The following ABCA4 variants were observed in gnomAD, a reference collection of about 807,000 sequenced individuals.
The protein encoded by ABCA4 is retinal-specific phospholipid-transporting ATPase ABCA4.
In ABCA4, 196 loss-of-function variants were observed where a neutral mutation model predicts 263.7. The observed-to-expected ratio is 0.74, with a 90% CI of 0.66 to 0.84. ABCA4 has a LOEUF of 0.84. Ranked by LOEUF, ABCA4 falls within the 40% of genes least tolerant of loss-of-function variation. The pLI, the probability that ABCA4 is intolerant of heterozygous loss-of-function variation, is 0.00. For missense variants in ABCA4, 2,792 were observed against 2,855.1 expected, an observed-to-expected ratio of 0.98 and a Z score of 0.50; for synonymous variants, 1,133 against 1,094.2, an observed-to-expected ratio of 1.04 and a Z score of -0.70.
chr1:94,051,483 GC>G, intron 17 of ABCA4, 149 bp downstream of exon 17: 1 of 727,390 alleles, frequency 1.4e-6, no homozygotes, highest in Non-Finnish European at 2.4e-6. Context: ...ACGCTGCAAT[GC>G]CCATCAAGGG....
At chr1:94,087,188 G>T (rs1196249230) in intron 6 of ABCA4, among the ~76,000 whole-genome samples, 1 of 152,136 alleles carries the variant, frequency 6.6e-6, no homozygotes, top group Non-Finnish European at 1.5e-5. Context: ...TTTTGGGGAG[G>T]ATGCAAACAT....
rs762784197 is a variant in ABCA4, at chr1:94,031,982, C to T, written c.3924G>A (p.Glu1308=). 4.3e-6 allele frequency: 7 copies of T among 1,613,880 alleles called. No homozygotes were observed. The highest frequency in any genetic ancestry group is 4.0e-5 in the African/African-American group (3 of 74,880). Residue 1308 remains glutamate (E), a synonymous_variant, in exon 27 of 50, where the codon GAG becomes GAA. Coordinates refer to ENST00000370225, the MANE Select transcript of ABCA4 (RefSeq NM_000350.3). ...NPRHPCLGPR[E]KAGQTPQDSN... ...AGTCCTGGGGTGTCTGTCCAGCCTT[C>T]TCTCTGGGACCCAAGCAGGGGTGTC...
intron 2 of ABCA4, among the ~76,000 whole-genome samples, chr1:94,112,274 G>A (rs1394175584): frequency 5.3e-5 from 8 of 152,150 alleles, no homozygotes; most frequent in African/African-American, 1.7e-4. Flanking sequence ...TCTTCAGTAC[G>A]ATTGTATAGC....
chr1:94,019,659 T>C lies in ABCA4; in HGVS notation c.5119A>G (p.Asn1707Asp). The part of the protein sequence containing the change: ...FVLYLIQERV[N>D]KSKHLQFISG... ...ATAAACTGGAGGTGCTTGGATTTGT[T>C]CACCCGCTCCTGGATCAAATAAAGG... is the stretch of plus-strand genomic sequence containing the variant. Residue 1707 changes from asparagine to aspartate, a missense_variant, in exon 36 of 50, where the codon AAC (asparagine) becomes GAC (aspartate). Physicochemically the swap from Asn to Asp is conservative, Grantham distance 23. Coordinates refer to ENST00000370225, the MANE Select transcript of ABCA4 (RefSeq NM_000350.3). The C allele has an allele frequency of 1.2e-6, 2 of 1,613,326 alleles. No individual in the cohort carries two copies. Among genetic ancestry groups the C allele is most frequent in the Non-Finnish European group, 8.5e-7 (1 of 1,179,678 alleles).
At chr1:94,013,636 C>T (rs77118661) in intron 38 of ABCA4, among the ~76,000 whole-genome samples, 3,574 of 151,240 alleles carry the variant, frequency 0.024, 146 homozygotes, top group African/African-American at 0.083. Context: ...AGCCCTGCAG[C>T]GACTGCCTTC....
In ABCA4 at chr1:94,025,031, C is replaced by T. The variant is rs371535991; in HGVS notation, c.4557G>A (p.Thr1519=). The stretch of plus-strand genomic sequence containing the variant: ...TGTCCGTCAGGTCTTGTAGAATTTC[C>T]GTGCTGCGCTGTGTTCTCTGAGGCA... ...LPPPQRTQRS[T]EILQDLTDRN... Residue 1519 remains threonine (T), a synonymous_variant, in exon 31 of 50, where the codon ACG becomes ACA. Transcript: ENST00000370225. 1.9e-5 allele frequency: 31 copies of T among 1,614,050 alleles called. No homozygotes were observed. Among genetic ancestry groups the T allele is most frequent in the African/African-American group, 4.0e-5 (3 of 74,912 alleles).
At chr1:94,005,128 A>G (rs1289063010) in intron 44 of ABCA4, among the ~76,000 whole-genome samples, 2 of 152,232 alleles carry the variant, frequency 1.3e-5, no homozygotes. Flanking sequence ...CACCTTATAC[A>G]TATTCATTTT....
At chr1:94,087,309 A>G (rs1423942781) in intron 6 of ABCA4, among the ~76,000 whole-genome samples, 1 of 152,234 alleles carries the variant, frequency 6.6e-6, no homozygotes, top group Admixed American at 6.5e-5. Context: ...TGCACACACC[A>G]ACCCATTCCA....
At chr1:94,078,737 A>G (rs1661606009) in intron 9 of ABCA4, 31 bp from the exon 10 acceptor site, 2 of 1,479,396 alleles carry the variant, frequency 1.4e-6, no homozygotes, top group South Asian at 1.1e-5. Context: ...AGACAGAGAC[A>G]CGAACAGAGA....
chr1:94,077,735 A>T lies in ABCA4; in HGVS notation c.1509T>A (p.Phe503Leu), dbSNP rs774893612. Reference protein sequence around the residue: ...DMANFDWRDIFNITDRTLRLV... With the variant: ...DMANFDWRDILNITDRTLRLV... Reference sequence around the variant, plus strand: ...GGCGGAGGGTGCGATCAGTGATGTTAAATATGTCCCTCCAGTCGAAGTTGG... The same window carrying T: ...GGCGGAGGGTGCGATCAGTGATGTTTAATATGTCCCTCCAGTCGAAGTTGG... The change falls in exon 11 of 50, where the codon TTT (phenylalanine) becomes TTA (leucine). Residue 503 changes from phenylalanine to leucine, a missense_variant. Physicochemically the swap from Phe to Leu is conservative, Grantham distance 22. Transcript: ENST00000370225. 1.9e-6 allele frequency: 3 copies of T among 1,614,134 alleles called. No homozygotes were observed. The South Asian group carries it at 3.3e-5, about 18-fold the overall frequency.
intron 34 of ABCA4, 111 bp downstream of exon 34, chr1:94,021,528 TA>T: frequency 6.6e-7 from 1 of 1,513,960 alleles, no homozygotes; most frequent in Non-Finnish European, 9.2e-7. Flanking sequence ...CATTCCTTGC[TA>T]GATTTCAGCA....
rs61748557 is a variant in ABCA4, at chr1:94,063,227, C to A, written c.1645G>T (p.Ala549Ser). 1 of 1,614,116 alleles carries A rather than the reference C, an allele frequency of 6.2e-7. No homozygotes were observed. The highest frequency in any genetic ancestry group is 1.7e-5 in the Admixed American group (1 of 60,020). The change falls in exon 12 of 50, where the codon GCC (alanine) becomes TCC (serine). Residue 549 changes from alanine to serine, a missense_variant. Transcript: ENST00000370225. ...LSLLEENMFWAGVVFPDMYPW... is the reference protein window; with the variant it reads ...LSLLEENMFWSGVVFPDMYPW... ...TACATGTCAGGGAATACCACTCCGG[C>A]CCAGAACATGTTTTCCTCCAGTAGA...
At chr1:94,042,977 T>C (rs927221955) in intron 21 of ABCA4, 79 bp from the exon 22 acceptor site, 20 of 1,586,088 alleles carry the variant, frequency 1.3e-5, no homozygotes, top group Middle Eastern at 3.3e-4. Context: ...AGTGGCATTG[T>C]GGGGGTACCT....
At chr1:94,047,975 C>T (rs143640593) in intron 18 of ABCA4, among the ~76,000 whole-genome samples, 322 of 152,350 alleles carry the variant, frequency 2.1e-3, no homozygotes, top group African/African-American at 4.4e-3. Flanking sequence ...TTCTTCTATC[C>T]GTGCCTCCTG....
intron 47 of ABCA4, among the ~76,000 whole-genome samples, chr1:93,998,796 T>C (rs1453989673): frequency 6.7e-6 from 1 of 148,918 alleles, no homozygotes; most frequent in East Asian, 2.0e-4. Flanking sequence ...TGGAGTACAG[T>C]GGCATGATCT....
At chr1:94,024,175 C>T (rs1419125254) in intron 31 of ABCA4, among the ~76,000 whole-genome samples, 3 of 152,176 alleles carry the variant, frequency 2.0e-5, no homozygotes, top group Admixed American at 6.5e-5. Flanking sequence ...GCAGGTGAAG[C>T]AACAGAAAGT....
intron 14 of ABCA4, among the ~76,000 whole-genome samples, chr1:94,060,278 G>C (rs1002456428): frequency 1.3e-5 from 2 of 152,180 alleles, no homozygotes; most frequent in Non-Finnish European, 2.9e-5. Flanking sequence ...AGATGGTCAC[G>C]GAATGGGACT....
Position 93,992,983 on chromosome 1 carries a change from G to A in ABCA4, c.*254C>T, listed in dbSNP as rs1658910109. 4 of 559,912 alleles carry A rather than the reference G, an allele frequency of 7.1e-6. No homozygotes were observed. The highest frequency in any genetic ancestry group is 6.3e-5 in the South Asian group (3 of 47,414). The allele number at this position is 559,912 out of a possible 1,614,324, so 34.7% of individuals were successfully genotyped here. A position where few individuals can be genotyped will look rare whatever the true frequency, so the allele number is the denominator to read the frequency against. On this transcript the variant is annotated 3_prime_UTR_variant, in exon 50 of 50. Transcript: ENST00000370225. The stretch of plus-strand genomic sequence containing the variant: ...CTAGTGGGATGGCCCGGGGTTTCTA[G>A]TTCTGGGGTCTGGAGAAGGATTTTG...
intron 16 of ABCA4, among the ~76,000 whole-genome samples, chr1:94,053,708 C>T (rs763005188): frequency 6.6e-6 from 1 of 152,226 alleles, no homozygotes; most frequent in South Asian, 2.1e-4. Context: ...CTGCCAACAC[C>T]TTGATTTTGG....
Sources: gnomAD v4.1 joint callset for allele counts (sites outside exome capture counted in the v4.1 genomes callset) on GRCh38, gnomAD v4.1.1 for gene constraint, MANE v1.5 for transcripts, NCBI Gene and HGNC (gene_info 2026-07-23, HGNC 2026-07-21) for gene names.